Variants in AKAP9 observed in about 807,000 individuals in gnomAD.
The protein encoded by AKAP9 is A-kinase anchoring protein 9.
Under a neutral mutation model 488.5 loss-of-function variants are expected in AKAP9, and 311 were observed. That is an observed-to-expected ratio of 0.64 (90% confidence interval 0.58 to 0.70). The LOEUF (loss-of-function observed/expected upper bound fraction) is 0.70, where lower values mean the gene tolerates loss of function less well. AKAP9 is among the 30% of genes least tolerant of loss of function. The probability of loss-of-function intolerance (pLI) is 0.00; values close to 1 mark genes in which losing one functional copy is unlikely to be tolerated. For synonymous variants in AKAP9, 1,462 were observed against 1,483.5 expected, an observed-to-expected ratio of 0.99 and a Z score of 0.33; for missense variants, 4,215 against 4,374.5, an observed-to-expected ratio of 0.96 and a Z score of 1.03.
At chr7:92,087,870 C>G (rs1208532399) in intron 37 of AKAP9, among the ~76,000 whole-genome samples, 1 of 150,434 alleles carries the variant, frequency 6.6e-6, no homozygotes, top group Non-Finnish European at 1.5e-5. Flanking sequence ...TGAGACCATA[C>G]TGATATAAAT....
chr7:92,017,096 A>G lies in AKAP9; in HGVS notation c.3831A>G (p.Leu1277=). ...YNKLLVLQTR[L]SKIWGQQTDG... ...AACTCTTGGTACTTCAAACACGACT[A>G]AGCAAGGTCTGTGAGATGGAAAATA... The change falls in exon 12 of 50, where the codon CTA becomes CTG. Residue 1277 remains leucine (L), a synonymous_variant. Transcript: ENST00000356239. The G allele has an allele frequency of 1.3e-6, 2 of 1,567,580 alleles. No homozygotes were observed. Among genetic ancestry groups the G allele is most frequent in the Non-Finnish European group, 1.7e-6 (2 of 1,143,686 alleles).
chr7:91,952,912 C>G (rs1476439354), intron 1 of AKAP9, among the ~76,000 whole-genome samples: 1 of 152,128 alleles, frequency 6.6e-6, no homozygotes, highest in Non-Finnish European at 1.5e-5. Flanking sequence ...CTTGAACTCC[C>G]AGGCTCAAGC....
At chr7:92,016,812 T>G (rs1162034232) in intron 11 of AKAP9, among the ~76,000 whole-genome samples, 1 of 152,050 alleles carries the variant, frequency 6.6e-6, no homozygotes. Flanking sequence ...CAAAAGAAAT[T>G]AACATATTTT....
rs141987389 is a variant in AKAP9, at chr7:92,038,705, A to G, written c.4625A>G (p.Lys1542Arg). The G allele has an allele frequency of 1.6e-5, 26 of 1,606,604 alleles. No individual in the cohort carries two copies. In the African/African-American group the frequency reaches 2.4e-4, roughly 15 times the overall value. Residue 1542 changes from lysine to arginine, a missense_variant, in exon 17 of 50, where the codon AAG (lysine) becomes AGG (arginine). Lys to Arg is a conservative substitution (Grantham distance 26). This residue lies in a region of AKAP9 where 2,361 missense variants were observed against 2,430.0 expected (regional missense o/e 0.97). Transcript: ENST00000356239. ...NSDPHDIPES[K>R]DCVLTISEEM... ...GATCCCCATGATATACCAGAATCAA[A>G]GGACTGTGTGCTGACTATTTCAGAA...
intron 28 of AKAP9, among the ~76,000 whole-genome samples, chr7:92,072,178 T>C (rs1184444642): frequency 6.6e-6 from 1 of 152,232 alleles, no homozygotes; most frequent in Non-Finnish European, 1.5e-5. Flanking sequence ...TTTATTATCT[T>C]CTGAATATAA....
At chr7:91,958,691 A>G (rs1274531984) in intron 1 of AKAP9, among the ~76,000 whole-genome samples, 1 of 152,182 alleles carries the variant, frequency 6.6e-6, no homozygotes, top group Admixed American at 6.5e-5. Flanking sequence ...TCAAAGAGAA[A>G]AACAATTACC....
At chr7:91,978,272 T>C (rs1040746753) in intron 2 of AKAP9, among the ~76,000 whole-genome samples, 4 of 151,520 alleles carry the variant, frequency 2.6e-5, no homozygotes, top group South Asian at 2.1e-4. Flanking sequence ...GAGAATCTTA[T>C]GAGTTAGGAA....
rs71107846 is a variant in AKAP9 at position 91,971,982 on chromosome 7, C to CTTTTTTTTT, written c.49-1717_49-1709dup. ...ATAGAGTCTTTTATGTTTTGCCTCT[C>CTTTTTTTTT]TTTTTTTTTTTTTTTTTTTTGCACT... is the stretch of plus-strand genomic sequence containing the variant. On this transcript the variant is annotated intron_variant, in intron 1 of 49. Transcript: ENST00000356239. Among the ~76,000 whole-genome samples, 11 of 91,884 alleles carry CTTTTTTTTT rather than the reference C, an allele frequency of 1.2e-4. 1 individual carries two copies. The highest frequency in any genetic ancestry group is 3.6e-4 in the African/African-American group (8 of 22,120). 60.3% of individuals were successfully genotyped at this position (91,884 alleles called of 152,430 possible). A position where few individuals can be genotyped will look rare whatever the true frequency, so the allele number is the denominator to read the frequency against.
At chr7:92,087,440 A>G (rs1425507050) in intron 37 of AKAP9, among the ~76,000 whole-genome samples, 1 of 152,226 alleles carries the variant, frequency 6.6e-6, no homozygotes, top group Non-Finnish European at 1.5e-5. Context: ...GAGTAAACTT[A>G]AACACTTGGG....
intron 21 of AKAP9, among the ~76,000 whole-genome samples, chr7:92,047,953 T>C (rs1807288992): frequency 6.6e-6 from 1 of 152,178 alleles, no homozygotes; most frequent in Non-Finnish European, 1.5e-5. Flanking sequence ...CCACTAATAT[T>C]ACTGGGGGAC....
rs754965523 is a variant in AKAP9 at position 92,021,308 on chromosome 7, AT to A, written c.3838-924del. On this transcript the variant is annotated intron_variant, in intron 12 of 49. Transcript: ENST00000356239. ...ATTCTGTGCAGGCAGATATATTGTTATTTTTTAAACGGATTTTATATTTTTA... is the reference window on the plus strand; with the variant it reads ...ATTCTGTGCAGGCAGATATATTGTTATTTTTAAACGGATTTTATATTTTTA... Among the ~76,000 whole-genome samples the A allele has an allele frequency of 3.3e-5, 5 of 152,200 alleles. No homozygotes were observed. The East Asian group carries it at 9.7e-4, about 29-fold the overall frequency.
intron 3 of AKAP9, among the ~76,000 whole-genome samples, chr7:91,985,014 G>C (rs565551973): frequency 1.3e-5 from 2 of 152,156 alleles, no homozygotes; most frequent in Admixed American, 6.5e-5. Context: ...GAGATTTTGG[G>C]CTGAGACAAT....
chr7:92,021,024 T>C (rs1802244758), intron 12 of AKAP9, among the ~76,000 whole-genome samples: 1 of 152,236 alleles, frequency 6.6e-6, no homozygotes, highest in South Asian at 2.1e-4. Context: ...TAACTAGCTT[T>C]ATTTCCCCCT....
intron 8 of AKAP9, among the ~76,000 whole-genome samples, chr7:92,011,474 T>A (rs1021357393): frequency 6.6e-6 from 1 of 152,174 alleles, no homozygotes; most frequent in Admixed American, 6.6e-5. Flanking sequence ...TCAGTGTACT[T>A]CCAGTCATAA....
rs777080528 is a variant in AKAP9 at position 92,022,958 on chromosome 7, A to G, written c.4097A>G (p.His1366Arg). Reference sequence around the variant, plus strand: ...GAACAAAACTATGAGGCAGAGATCCACTGTTTACAGAAGAGGCTTCAAGCT... The same window carrying G: ...GAACAAAACTATGAGGCAGAGATCCGCTGTTTACAGAAGAGGCTTCAAGCT... Reference protein sequence around the residue: ...ETEQNYEAEIHCLQKRLQAVS... With the variant: ...ETEQNYEAEIRCLQKRLQAVS... Residue 1366 changes from histidine (H) to arginine (R), a missense_variant, in exon 14 of 50, where the codon CAC becomes CGC. By Grantham distance (29) the His-to-Arg change is conservative. This residue lies in a region of AKAP9 where 2,361 missense variants were observed against 2,430.0 expected (regional missense o/e 0.97). Transcript: ENST00000356239. 2 of 1,614,072 alleles carry G rather than the reference A, an allele frequency of 1.2e-6. No homozygotes were observed. Among genetic ancestry groups the G allele is most frequent in the Non-Finnish European group, 1.7e-6 (2 of 1,179,950 alleles).
intron 2 of AKAP9, among the ~76,000 whole-genome samples, chr7:91,977,135 C>G (rs1025141908): frequency 3.9e-5 from 6 of 152,102 alleles, no homozygotes; most frequent in African/African-American, 1.4e-4. Flanking sequence ...TTGTGCACAC[C>G]TGTGGTCCCA....
intron 31 of AKAP9, among the ~76,000 whole-genome samples, 167 bp from the exon 32 acceptor site, chr7:92,082,355 G>A (rs1813729415): frequency 6.6e-6 from 1 of 152,140 alleles, no homozygotes; most frequent in Admixed American, 6.5e-5. Context: ...ATAAGATGAT[G>A]GTTCTGAAAA....
At position 91,993,025 on chromosome 7, in the gene AKAP9, G is replaced by T. The variant is rs779393285; in HGVS notation, c.546G>T (p.Arg182Ser). The change falls in exon 5 of 50, where the codon AGG becomes AGT. Residue 182 changes from arginine to serine, a missense_variant. By Grantham distance (110) the Arg-to-Ser change is moderately radical. This residue lies in a region of AKAP9 where 2,361 missense variants were observed against 2,430.0 expected (regional missense o/e 0.97). Transcript: ENST00000356239. ...TAAACAGAGAGCTGGAAGAAATGAG[G>T]GTTACCTATGGGACTGAAGGACTGC... is the stretch of plus-strand genomic sequence containing the variant. ...EELNRELEEM[R>S]VTYGTEGLQQ... 23 of 1,613,800 alleles carry T rather than the reference G, an allele frequency of 1.4e-5. No individual in the cohort carries two copies. The highest frequency in any genetic ancestry group is 1.9e-5 in the Non-Finnish European group (23 of 1,179,942).
At chr7:91,941,929 C>G (rs1424861088) in intron 1 of AKAP9, among the ~76,000 whole-genome samples, 1 of 145,626 alleles carries the variant, frequency 6.9e-6, no homozygotes, top group Non-Finnish European at 1.5e-5. Context: ...TATGGAAAAG[C>G]CTGTAAAGCA....
Sources: gnomAD v4.1 joint callset for allele counts (sites outside exome capture counted in the v4.1 genomes callset) on GRCh38, gnomAD v4.1.1 for gene constraint, gnomAD v4.1.1 regional missense constraint, MANE v1.5 for transcripts, NCBI Gene and HGNC (gene_info 2026-07-23, HGNC 2026-07-21) for gene names.